The following DROSHA variants were observed in gnomAD, a reference collection of about 807,000 sequenced individuals.
DROSHA encodes the protein drosha ribonuclease III.
A neutral mutation model predicts 181.9 loss-of-function variants in DROSHA; 56 were observed. The ratio of observed to expected loss-of-function variants is 0.31; its 90% CI spans 0.25 to 0.38. DROSHA has a LOEUF of 0.38. DROSHA is among the 10% of genes least tolerant of loss of function. DROSHA has a pLI of 1.00. For synonymous variants in DROSHA, 524 were observed against 591.2 expected (o/e 0.89, Z 1.65); for missense variants, 1,218 against 1,743.5 (o/e 0.70, Z 5.37).
rs554536580 is a variant in DROSHA at position 31,437,916 on chromosome 5, C to T, written c.2883-618G>A. On this transcript the variant is annotated intron_variant, in intron 23 of 35. Coordinates refer to ENST00000344624, the MANE Select transcript of DROSHA (RefSeq NM_001382508.1). Reference sequence around the variant, plus strand: ...GCCACCCTAGAGCCTTCCACTCTCTCGCATACAATGAGCCACACTGAAAAT... The same window carrying T: ...GCCACCCTAGAGCCTTCCACTCTCTTGCATACAATGAGCCACACTGAAAAT... Among the ~76,000 whole-genome samples the T allele has an allele frequency of 1.1e-4, 16 of 152,276 alleles. No individual in the cohort carries two copies. In the East Asian group the frequency reaches 2.1e-3, roughly 20 times the overall value.
chr5:31,498,961 G>A (rs1753301808), intron 11 of DROSHA, among the ~76,000 whole-genome samples: 1 of 152,146 alleles, frequency 6.6e-6, no homozygotes, highest in Non-Finnish European at 1.5e-5. Flanking sequence ...ATAGACATGG[G>A]GCTGTGCCAC....
Position 31,450,858 on chromosome 5 carries a change from G to GA in DROSHA, c.2682+674dup, listed in dbSNP as rs533765573. ...AAAGTGGCCAAAACAAACAAAAAAC[G>GA]AATTTCCAGATCTCTGACGCAAGCC... On this transcript the variant is annotated intron_variant, in intron 21 of 35. Transcript: ENST00000344624. 1.5e-3 allele frequency among the ~76,000 whole-genome samples: 222 copies of GA among 152,124 alleles called. 1 individual carries two copies. Among genetic ancestry groups the GA allele is most frequent in the African/African-American group, 5.3e-3 (218 of 41,496 alleles).
At chr5:31,509,621 T>C (rs1318521056) in intron 9 of DROSHA, among the ~76,000 whole-genome samples, 1 of 151,768 alleles carries the variant, frequency 6.6e-6, no homozygotes, top group East Asian at 1.9e-4. Flanking sequence ...CACTGGGAGG[T>C]TAGGGGCTGG....
chr5:31,408,429 A>T (rs1223823707), intron 33 of DROSHA, among the ~76,000 whole-genome samples: 5 of 152,206 alleles, frequency 3.3e-5, no homozygotes, highest in African/African-American at 1.2e-4. Context: ...GTCTCAAGAT[A>T]ATTACTCTAC....
chr5:31,406,248 C>T (rs1740637642), intron 34 of DROSHA, among the ~76,000 whole-genome samples: 1 of 152,042 alleles, frequency 6.6e-6, no homozygotes, highest in Non-Finnish European at 1.5e-5. Context: ...GAACTCATAC[C>T]TAAAATCCCA....
Position 31,526,694 on chromosome 5 carries a change from G to C in DROSHA, c.239C>G (p.Pro80Arg). ...NFLPPRPDFV[P>R]FPPPMPPSAQ... is the part of the protein sequence containing the mutation. ...TGACGGAGGCATGGGTGGGGGGAAG[G>C]GTACAAAGTCTGGTCGTGGAGGGAG... Residue 80 changes from proline to arginine, a missense_variant, in exon 5 of 36, where the codon CCC (proline) becomes CGC (arginine). Around this residue, in one of 8 missense-constraint regions of DROSHA, gnomAD observed 536 missense variants for 535.4 expected, o/e 1.00. Coordinates refer to ENST00000344624, the MANE Select transcript of DROSHA (RefSeq NM_001382508.1). 1 of 1,528,916 alleles carries C rather than the reference G, an allele frequency of 6.5e-7. No homozygotes were observed. The highest frequency in any genetic ancestry group is 8.8e-7 in the Non-Finnish European group (1 of 1,140,652). The allele number at this position is 1,528,916 out of a possible 1,614,324, so 94.7% of individuals were successfully genotyped here.
chr5:31,484,984 A>AATT (rs1268472050), intron 14 of DROSHA, 22 bp from the exon 15 acceptor site: 1 of 1,527,510 alleles, frequency 6.5e-7, no homozygotes, highest in East Asian at 2.5e-5. Context: ...ACCAAAATTA[A>AATT]ATTACTGTAG....
At chr5:31,401,617 G>T in intron 35 of DROSHA, 55 bp from the exon 36 acceptor site, 2 of 1,177,034 alleles carry the variant, frequency 1.7e-6, no homozygotes, top group Non-Finnish European at 2.2e-6. Context: ...ATAATCTAGT[G>T]CAAAGAATAA....
chr5:31,446,647 G>A (rs1427782731), intron 23 of DROSHA, among the ~76,000 whole-genome samples: 1 of 149,658 alleles, frequency 6.7e-6, no homozygotes, highest in African/African-American at 2.5e-5. Context: ...GGTAAGCCTG[G>A]GCAACATAGC....
At chr5:31,492,883 T>G (rs1752575951) in intron 13 of DROSHA, among the ~76,000 whole-genome samples, 1 of 152,258 alleles carries the variant, frequency 6.6e-6, no homozygotes, top group African/African-American at 2.4e-5. Context: ...AACTTTCTTT[T>G]GAAGGACAAC....
At position 31,410,884 on chromosome 5, in the gene DROSHA, A is replaced by G. The variant is rs1338628014; in HGVS notation, c.3529T>C (p.Leu1177=). The change falls in exon 31 of 36, where the codon TTG becomes CTG. Residue 1177 remains leucine, a synonymous_variant. Coordinates refer to ENST00000344624, the MANE Select transcript of DROSHA (RefSeq NM_001382508.1). ...PDHHEGHLTL[L]RSSLVNNRTQ... The stretch of plus-strand genomic sequence containing the variant: ...CTATTATTCACCAAAGAGCTTCGCA[A>G]CAACTGCCCAAAAGGAATGGCGGTA... 5.6e-6 allele frequency: 9 copies of G among 1,613,852 alleles called. No individual in the cohort carries two copies. Among genetic ancestry groups the G allele is most frequent in the South Asian group, 1.1e-5 (1 of 91,068 alleles).
rs1433766263 is a variant in DROSHA, at chr5:31,526,297, G to A, written c.636C>T (p.Leu212=). Residue 212 remains leucine, a synonymous_variant, in exon 5 of 36, where the codon CTC becomes CTT. Transcript: ENST00000344624. ...PHFRHLPPYP[L]PKAPSERRSP... ...ACCTTCTCTCACTGGGAGCCTTTGG[G>A]AGTGGGTATGGAGGGAGATGTCTGA... The A allele has an allele frequency of 1.2e-6, 2 of 1,613,796 alleles. No homozygotes were observed. The highest frequency in any genetic ancestry group is 3.3e-5 in the Admixed American group (2 of 59,988).
intron 33 of DROSHA, 61 bp downstream of exon 33, chr5:31,408,995 T>C: frequency 2.0e-6 from 3 of 1,498,588 alleles, no homozygotes; most frequent in Non-Finnish European, 1.8e-6. Context: ...TCAAGGCACA[T>C]GGAAAGTCAA....
intron 30 of DROSHA, among the ~76,000 whole-genome samples, chr5:31,420,515 G>C (rs917270074): frequency 2.0e-5 from 3 of 152,186 alleles, no homozygotes; most frequent in Admixed American, 2.0e-4. Context: ...CAAAATAAGA[G>C]GCATAGGGAC....
At chr5:31,429,908 G>T (rs1743964621) in intron 26 of DROSHA, among the ~76,000 whole-genome samples, 1 of 151,784 alleles carries the variant, frequency 6.6e-6, no homozygotes, top group South Asian at 2.1e-4. Flanking sequence ...TATAGTATAC[G>T]TTTCAGATCA....
chr5:31,403,369 G>A (rs951432906), intron 35 of DROSHA, among the ~76,000 whole-genome samples: 10 of 151,990 alleles, frequency 6.6e-5, no homozygotes, highest in African/African-American at 2.4e-4. Context: ...CTATGAAGTT[G>A]TACTACATAT....
intron 12 of DROSHA, 25 bp downstream of exon 12, chr5:31,495,261 T>C (rs779067423): frequency 1.2e-5 from 20 of 1,600,978 alleles, no homozygotes; most frequent in Non-Finnish European, 1.6e-5. Context: ...TTAAATGATA[T>C]GCATGTGATT....
chr5:31,466,327 C>T (rs1040599850), intron 18 of DROSHA, 46 bp from the exon 19 acceptor site: 1 of 1,551,480 alleles, frequency 6.4e-7, no homozygotes, highest in Admixed American at 1.7e-5. Context: ...AGGAGGTAAA[C>T]CTAAAATGCA....
rs879313143 is a variant in DROSHA at position 31,526,198 on chromosome 5, C to T, written c.735G>A (p.Arg245=). The T allele has an allele frequency of 1.7e-5, 27 of 1,613,738 alleles. No homozygotes were observed. The highest frequency in any genetic ancestry group is 2.2e-5 in the Non-Finnish European group (26 of 1,179,874). The change falls in exon 5 of 36, where the codon CGG becomes CGA. Residue 245 remains arginine, a synonymous_variant. Transcript: ENST00000344624. ...GGCCTCGCTCCCGCCGATCCAGGGACCGATGCCTCTCACCTCGCCCATGAC... is the reference window on the plus strand; with the variant it reads ...GGCCTCGCTCCCGCCGATCCAGGGATCGATGCCTCTCACCTCGCCCATGAC... The part of the protein sequence containing the change: ...DHSHGRGERH[R]SLDRRERGRS...
Sources: allele counts gnomAD v4.1 joint callset (sites outside exome capture counted in the v4.1 genomes callset), GRCh38; gene constraint gnomAD v4.1.1; regional missense constraint gnomAD v4.1.1; transcripts MANE v1.5; gene names NCBI Gene and HGNC (gene_info 2026-07-23, HGNC 2026-07-21).